The following CHN1 variants were observed in gnomAD, a reference collection of about 807,000 sequenced individuals.
The protein encoded by CHN1 is chimerin 1.
In CHN1, 37 loss-of-function variants were observed where a neutral mutation model predicts 59.5. The ratio of observed to expected loss-of-function variants is 0.62; its 90% CI spans 0.48 to 0.82. The LOEUF (loss-of-function observed/expected upper bound fraction) is 0.82, where lower values mean the gene tolerates loss of function less well. Ranked by LOEUF, CHN1 falls within the 40% of genes least tolerant of loss-of-function variation. CHN1 has a pLI of 0.00. For synonymous variants in CHN1, 206 were observed against 200.4 expected (o/e 1.03, Z -0.24); for missense variants, 469 against 571.0 (o/e 0.82, Z 1.82).
At chr2:174,824,301 C>T in intron 8 of CHN1, 133 bp downstream of exon 8, 1 of 512,828 alleles carries the variant, frequency 1.9e-6, no homozygotes, top group South Asian at 3.4e-5. Flanking sequence ...GCCTGAGAAT[C>T]TGGCCTACTG....
rs191761928 is a variant in CHN1 at position 175,002,910 on chromosome 2, T to C, written c.19+1984A>G. On this transcript the variant is annotated intron_variant, in intron 1 of 12. Coordinates refer to ENST00000409900, the MANE Select transcript of CHN1 (RefSeq NM_001822.7). ...AAAGGTAGTAAAATCTAAAATAAAA[T>C]CCATTTCTTCTAACCCTTAGGTACA... is the stretch of plus-strand genomic sequence containing the variant. Among the ~76,000 whole-genome samples the C allele has an allele frequency of 3.3e-5, 5 of 152,318 alleles. No homozygotes were observed. In the East Asian group the frequency reaches 9.6e-4, roughly 29 times the overall value.
intron 3 of CHN1, among the ~76,000 whole-genome samples, chr2:174,929,631 TTAAGA>T (rs1242678286): frequency 1.3e-5 from 2 of 152,146 alleles, no homozygotes; most frequent in Non-Finnish European, 2.9e-5. Context: ...ACTCAGCTTC[TTAAGA>T]TTAGTTTTTT....
chr2:174,930,410 A>C (rs1360433941), intron 3 of CHN1, among the ~76,000 whole-genome samples: 1 of 152,226 alleles, frequency 6.6e-6, no homozygotes, highest in East Asian at 1.9e-4. Flanking sequence ...GAAGAGATCA[A>C]AGCACTTTAT....
chr2:174,847,059 G>A (rs1402650565), intron 6 of CHN1, 102 bp from the exon 7 acceptor site: 6 of 1,551,570 alleles, frequency 3.9e-6, no homozygotes, highest in East Asian at 2.4e-5. Context: ...TCTTGCTGAC[G>A]GCCCTCTTGT....
chr2:174,807,675 T>G (rs1288225647), intron 11 of CHN1, among the ~76,000 whole-genome samples: 1 of 152,074 alleles, frequency 6.6e-6, no homozygotes, highest in African/African-American at 2.4e-5. Flanking sequence ...TTGAAAGAAA[T>G]CAGTGTAATT....
chr2:174,822,332 A>G (rs1309567756), intron 8 of CHN1, among the ~76,000 whole-genome samples: 1 of 152,182 alleles, frequency 6.6e-6, no homozygotes, highest in Non-Finnish European at 1.5e-5. Flanking sequence ...GGAGATGGGG[A>G]TGAATTCTTT....
At chr2:174,832,701 T>C (rs1178017552) in intron 7 of CHN1, among the ~76,000 whole-genome samples, 1 of 152,118 alleles carries the variant, frequency 6.6e-6, no homozygotes, top group Non-Finnish European at 1.5e-5. Flanking sequence ...TCTACATTTA[T>C]TGATACAGTC....
At chr2:174,979,317 T>G (rs1691059123) in intron 1 of CHN1, among the ~76,000 whole-genome samples, 1 of 152,254 alleles carries the variant, frequency 6.6e-6, no homozygotes, top group African/African-American at 2.4e-5. Flanking sequence ...AGAATAATTA[T>G]TCCACTTGAT....
chr2:174,869,488 C>T (rs897839008), intron 6 of CHN1, among the ~76,000 whole-genome samples: 4 of 136,576 alleles, frequency 2.9e-5, no homozygotes, highest in African/African-American at 1.2e-4. Flanking sequence ...TTTTCTTGTC[C>T]TAATAGAAAT....
intron 4 of CHN1, among the ~76,000 whole-genome samples, chr2:174,916,207 C>A (rs1688844270): frequency 1.3e-5 from 2 of 152,176 alleles, no homozygotes; most frequent in African/African-American, 4.8e-5. Context: ...CACAAACTAT[C>A]ATTTACCTTC....
intron 5 of CHN1, among the ~76,000 whole-genome samples, chr2:174,898,127 T>G (rs1320883541): frequency 6.6e-6 from 1 of 152,118 alleles, no homozygotes; most frequent in Non-Finnish European, 1.5e-5. Context: ...TTAGCTGGAA[T>G]GTGCATATAA....
Position 174,964,423 on chromosome 2 carries a change from G to A in CHN1, c.20-12221C>T, listed in dbSNP as rs569538180. Among the ~76,000 whole-genome samples the A allele has an allele frequency of 4.6e-5, 7 of 152,284 alleles. No individual in the cohort carries two copies. The East Asian group carries it at 1.4e-3, about 29-fold the overall frequency. On this transcript the variant is annotated intron_variant, in intron 1 of 12. Coordinates refer to ENST00000409900, the MANE Select transcript of CHN1 (RefSeq NM_001822.7). Reference sequence around the variant, plus strand: ...ACAGAGAACTATTAAAAACAAAAAAGTGTAAGTAAACTATCTGTAAGATGA... The same window carrying A: ...ACAGAGAACTATTAAAAACAAAAAAATGTAAGTAAACTATCTGTAAGATGA...
chr2:174,808,136 T>C (rs1404291401), intron 11 of CHN1, among the ~76,000 whole-genome samples: 7 of 152,258 alleles, frequency 4.6e-5, no homozygotes, highest in Non-Finnish European at 7.3e-5. Context: ...TAAAGTACAA[T>C]GTGTGGGCCA....
Position 174,895,952 on chromosome 2 carries a change from T to C in CHN1, c.261-17824A>G, listed in dbSNP as rs534344216. Among the ~76,000 whole-genome samples the C allele has an allele frequency of 4.6e-5, 7 of 152,214 alleles. No homozygotes were observed. The East Asian group carries it at 1.3e-3, about 29-fold the overall frequency. ...AAACATTTCTGATAAAAGAGGAAAGTGACTTTGGACCAATTAATTAAGAAC... is the reference window on the plus strand; with the variant it reads ...AAACATTTCTGATAAAAGAGGAAAGCGACTTTGGACCAATTAATTAAGAAC... On this transcript the variant is annotated intron_variant, in intron 5 of 12. Coordinates refer to ENST00000409900, the MANE Select transcript of CHN1 (RefSeq NM_001822.7).
chr2:174,852,179 C>T (rs1246349748), intron 6 of CHN1, among the ~76,000 whole-genome samples: 2 of 151,814 alleles, frequency 1.3e-5, no homozygotes, highest in African/African-American at 4.8e-5. Flanking sequence ...ACCTCAGCTA[C>T]TTAGGAGGCT....
intron 2 of CHN1, among the ~76,000 whole-genome samples, chr2:174,949,958 T>C (rs1023971960): frequency 6.6e-6 from 1 of 152,144 alleles, no homozygotes; most frequent in African/African-American, 2.4e-5. Context: ...AACAGAACTG[T>C]AGTCTTATTA....
chr2:174,909,769 A>G (rs946369334), intron 5 of CHN1, among the ~76,000 whole-genome samples: 2 of 152,214 alleles, frequency 1.3e-5, no homozygotes, highest in African/African-American at 4.8e-5. Flanking sequence ...CTAAGTGAGT[A>G]GAGTTTGCTT....
intron 7 of CHN1, among the ~76,000 whole-genome samples, chr2:174,829,697 T>C (rs1685806110): frequency 6.6e-6 from 1 of 152,100 alleles, no homozygotes; most frequent in South Asian, 2.1e-4. Flanking sequence ...TTACGGGAAA[T>C]AAAATTTTGC....
intron 5 of CHN1, among the ~76,000 whole-genome samples, chr2:174,890,608 G>A (rs1558969326): frequency 1.3e-5 from 2 of 152,120 alleles, no homozygotes; most frequent in African/African-American, 4.8e-5. Flanking sequence ...AGAATTGAAA[G>A]GAGAAATTCA....
Sources: gnomAD v4.1 joint callset for allele counts (sites outside exome capture counted in the v4.1 genomes callset) on GRCh38, gnomAD v4.1.1 for gene constraint, MANE v1.5 for transcripts, NCBI Gene and HGNC (gene_info 2026-07-23, HGNC 2026-07-21) for gene names.